XKR9: variants seen among roughly 807,000 people sequenced by gnomAD.
XKR9 encodes the protein XK-related protein 9.
XKR9 carries 32 observed loss-of-function variants against 32.0 expected under a neutral mutation model. That is an observed-to-expected ratio of 1.00 (90% CI 0.76 to 1.34). XKR9 has a LOEUF of 1.34. Among genes scored for constraint, XKR9 ranks in the 40% most tolerant of loss-of-function variants. The probability of loss-of-function intolerance (pLI) is 0.00; values close to 1 mark genes in which losing one functional copy is unlikely to be tolerated. For missense variants in XKR9, 546 were observed against 429.7 expected (o/e 1.27, Z -2.39); for synonymous variants, 168 against 143.4 (o/e 1.17, Z -1.22).
chr8:70,850,481 A>AG, the XKR9 span, among the ~76,000 whole-genome samples: 7 of 140,838 alleles, frequency 5.0e-5, no homozygotes, highest in Admixed American at 2.2e-4. Flanking sequence ...AAAAAAAAAA[A>AG]AAAGAAAGAA....
the XKR9 span, among the ~76,000 whole-genome samples, chr8:70,848,607 G>C: frequency 1.3e-5 from 2 of 151,812 alleles, no homozygotes; most frequent in African/African-American, 2.4e-5. Flanking sequence ...ATACAAAATT[G>C]TCATGCAAAA....
chr8:70,875,592 G>T, the XKR9 span, among the ~76,000 whole-genome samples: 1 of 152,104 alleles, frequency 6.6e-6, no homozygotes, highest in Admixed American at 6.5e-5. Flanking sequence ...TTCAAGGATG[G>T]TTAATATCTG....
chr8:70,773,591 A>T (rs1023082284), intron 2 of XKR9, among the ~76,000 whole-genome samples: 5 of 152,208 alleles, frequency 3.3e-5, no homozygotes, highest in Non-Finnish European at 7.3e-5. Flanking sequence ...ATGTGTATGG[A>T]TCAGACTTTG....
At chr8:70,711,686 T>G (rs1289908066) in intron 4 of XKR9, among the ~76,000 whole-genome samples, 1 of 130,580 alleles carries the variant, frequency 7.7e-6, no homozygotes, top group East Asian at 2.1e-4. Context: ...CTAGGCTCAC[T>G]ACCTGGGTGA....
intron 4 of XKR9, among the ~76,000 whole-genome samples, 170 bp downstream of exon 4, chr8:70,707,323 A>G (rs1805756949): frequency 6.6e-6 from 1 of 152,084 alleles, no homozygotes; most frequent in Non-Finnish European, 1.5e-5. Context: ...TAGATAATAT[A>G]CTGTATTCAT....
chr8:70,841,930 T>A, the XKR9 span, among the ~76,000 whole-genome samples: 1 of 152,214 alleles, frequency 6.6e-6, no homozygotes, highest in African/African-American at 2.4e-5. Context: ...TGAAACTATG[T>A]AAATATCTGT....
chr8:70,980,917 A>C, the XKR9 span, among the ~76,000 whole-genome samples: 66 of 152,226 alleles, frequency 4.3e-4, no homozygotes, highest in Non-Finnish European at 8.7e-4. Flanking sequence ...CACTGGATAC[A>C]AAATTCTTGG....
chr8:70,933,079 A>G, the XKR9 span, among the ~76,000 whole-genome samples: 1 of 152,058 alleles, frequency 6.6e-6, no homozygotes, highest in South Asian at 2.1e-4. Flanking sequence ...CAAGATATTC[A>G]TTAGGCTCAC....
chr8:71,064,087 C>T, the XKR9 span, among the ~76,000 whole-genome samples: 1 of 151,966 alleles, frequency 6.6e-6, no homozygotes. Flanking sequence ...TATTATTTTC[C>T]TTATACATTT....
At chr8:70,930,773 C>T in the XKR9 span, among the ~76,000 whole-genome samples, 1 of 152,138 alleles carries the variant, frequency 6.6e-6, no homozygotes, top group Non-Finnish European at 1.5e-5. Flanking sequence ...TCCTCTCTCT[C>T]GTCAGCACTT....
At chr8:71,006,777 C>T in the XKR9 span, among the ~76,000 whole-genome samples, 2,629 of 152,110 alleles carry the variant, frequency 0.017, 40 homozygotes, top group South Asian at 0.042. Flanking sequence ...TTGTTGTGGC[C>T]CCAAACCCTA....
chr8:70,956,519 T>C, the XKR9 span, among the ~76,000 whole-genome samples: 1 of 152,158 alleles, frequency 6.6e-6, no homozygotes, highest in South Asian at 2.1e-4. Flanking sequence ...ATACCTGGTC[T>C]GAAGGAGAGA....
the XKR9 span, among the ~76,000 whole-genome samples, chr8:71,048,602 A>G: frequency 2.6e-5 from 4 of 152,210 alleles, no homozygotes; most frequent in Non-Finnish European, 5.9e-5. Flanking sequence ...TGAATTGCCA[A>G]AATGGTTTTC....
chr8:71,000,921 A>G, the XKR9 span, among the ~76,000 whole-genome samples: 462 of 152,354 alleles, frequency 3.0e-3, 3 homozygotes, highest in African/African-American at 0.011. Flanking sequence ...TTGGAAGGGT[A>G]ACAAGAGTTA....
the XKR9 span, among the ~76,000 whole-genome samples, chr8:70,812,390 GATGC>G: frequency 6.6e-6 from 1 of 152,202 alleles, no homozygotes; most frequent in Non-Finnish European, 1.5e-5. Context: ...ACAAGACAGG[GATGC>G]CCTCTCTCAC....
At chr8:70,858,415 T>A in the XKR9 span, among the ~76,000 whole-genome samples, 1 of 152,068 alleles carries the variant, frequency 6.6e-6, no homozygotes, top group Admixed American at 6.6e-5. Flanking sequence ...ACAAGAGGTG[T>A]GAAGGATCTC....
At chr8:71,014,613 A>G in the XKR9 span, among the ~76,000 whole-genome samples, 1 of 152,194 alleles carries the variant, frequency 6.6e-6, no homozygotes. Context: ...AAGATCCTTA[A>G]CTTAGTTACA....
At chr8:70,755,799 T>C (rs1807215216) in intron 2 of XKR9, among the ~76,000 whole-genome samples, 1 of 150,542 alleles carries the variant, frequency 6.6e-6, no homozygotes. Context: ...TTAGGAGATA[T>C]ACCTAATGCT....
chr8:70,809,024 G>C, the XKR9 span, among the ~76,000 whole-genome samples: 1 of 152,210 alleles, frequency 6.6e-6, no homozygotes, highest in South Asian at 2.1e-4. Flanking sequence ...CCCTCGAGTA[G>C]CCTAACTGGT....
Sources: allele counts gnomAD v4.1 joint callset (sites outside exome capture counted in the v4.1 genomes callset), GRCh38; gene constraint gnomAD v4.1.1; transcripts MANE v1.5; gene names NCBI Gene and HGNC (gene_info 2026-07-23, HGNC 2026-07-21).